PDE4B: variants seen among roughly 807,000 people sequenced by gnomAD.
The protein encoded by PDE4B is phosphodiesterase 4B.
In PDE4B, 20 loss-of-function variants were observed where a neutral mutation model predicts 82.2. That is an observed-to-expected ratio of 0.24 (90% CI 0.17 to 0.35). The LOEUF (loss-of-function observed/expected upper bound fraction) is 0.35, where lower values mean the gene tolerates loss of function less well. Ranked by LOEUF, PDE4B falls within the 10% of genes least tolerant of loss-of-function variation. PDE4B has a pLI of 1.00. For synonymous variants in PDE4B, 320 were observed against 318.9 expected, an observed-to-expected ratio of 1.00 and a Z score of -0.04; for missense variants, 655 against 907.2, an observed-to-expected ratio of 0.72 and a Z score of 3.57.
chr1:65,940,336 T>C (rs1460845479), intron 3 of PDE4B, among the ~76,000 whole-genome samples: 1 of 151,790 alleles, frequency 6.6e-6, no homozygotes, highest in East Asian at 1.9e-4. Context: ...AAGTTGAAAT[T>C]GTAGAGGGAG....
chr1:65,992,109 A>G (rs1280770561), intron 3 of PDE4B, among the ~76,000 whole-genome samples: 1 of 152,090 alleles, frequency 6.6e-6, no homozygotes, highest in African/African-American at 2.4e-5. Context: ...TTTTATATTG[A>G]TGCTGTTTTG....
chr1:66,194,278 T>C (rs564731532), intron 3 of PDE4B, among the ~76,000 whole-genome samples: 3 of 152,270 alleles, frequency 2.0e-5, no homozygotes, highest in East Asian at 1.9e-4. Context: ...ATCTTCTCAA[T>C]TGTGAGACCC....
intron 1 of PDE4B, among the ~76,000 whole-genome samples, chr1:65,858,788 AAGAC>A (rs963311389): frequency 6.6e-6 from 1 of 152,196 alleles, no homozygotes; most frequent in African/African-American, 2.4e-5. Context: ...GTTAAACAAA[AAGAC>A]AGAAAATTTA....
At chr1:66,368,270 G>T in intron 15 of PDE4B, 1 of 532,896 alleles carries the variant, frequency 1.9e-6, no homozygotes, top group Non-Finnish European at 3.3e-6. Flanking sequence ...CTCTATTTGT[G>T]GAACTGCTTA....
chr1:65,872,970 T>C (rs1312080303), intron 1 of PDE4B, among the ~76,000 whole-genome samples: 1 of 152,198 alleles, frequency 6.6e-6, no homozygotes, highest in Non-Finnish European at 1.5e-5. Flanking sequence ...CATCTTCATA[T>C]GCAAATAAAT....
chr1:65,887,192 T>TTC (rs1450765177), intron 1 of PDE4B, among the ~76,000 whole-genome samples: 2 of 12,458 alleles, frequency 1.6e-4, no homozygotes, highest in African/African-American at 3.8e-4. Flanking sequence ...CCCTTTTTCT[T>TTC]TCTTTCTTTC....
intron 3 of PDE4B, among the ~76,000 whole-genome samples, chr1:66,174,115 AT>A (rs1454852113): frequency 6.6e-6 from 1 of 151,980 alleles, no homozygotes; most frequent in South Asian, 2.1e-4. Context: ...TTACCTACAA[AT>A]TTTTTCCTGC....
chr1:65,922,390 T>C (rs904115663), intron 3 of PDE4B, among the ~76,000 whole-genome samples: 10 of 152,158 alleles, frequency 6.6e-5, no homozygotes, highest in Middle Eastern at 3.4e-3. Context: ...TTATTGGAGG[T>C]TTTAGGGGAA....
intron 3 of PDE4B, among the ~76,000 whole-genome samples, chr1:66,168,980 C>G (rs1239930762): frequency 2.0e-5 from 3 of 152,138 alleles, no homozygotes; most frequent in African/African-American, 7.2e-5. Context: ...GAACACAGAT[C>G]CAACTAAAAT....
intron 3 of PDE4B, among the ~76,000 whole-genome samples, chr1:66,126,095 T>A (rs1645817576): frequency 6.6e-6 from 1 of 152,202 alleles, no homozygotes; most frequent in Non-Finnish European, 1.5e-5. Flanking sequence ...CGTGAGCCAC[T>A]GCGCCCACCC....
chr1:66,330,489 G>T (rs1660028259), intron 7 of PDE4B, among the ~76,000 whole-genome samples: 1 of 152,162 alleles, frequency 6.6e-6, no homozygotes, highest in Non-Finnish European at 1.5e-5. Flanking sequence ...GTATCATCTT[G>T]CAGTCATTTT....
intron 1 of PDE4B, among the ~76,000 whole-genome samples, chr1:65,861,606 G>T (rs1646455348): frequency 6.6e-6 from 1 of 152,082 alleles, no homozygotes; most frequent in Non-Finnish European, 1.5e-5. Context: ...TAGCTTGATG[G>T]GAATAGGATT....
Position 66,257,631 on chromosome 1 carries a change from T to A in PDE4B, c.477-16T>A, listed in dbSNP as rs372416287. 1.2e-5 allele frequency: 20 copies of A among 1,611,600 alleles called. No homozygotes were observed. Among genetic ancestry groups the A allele is most frequent in the Non-Finnish European group, 1.6e-5 (19 of 1,177,900 alleles). ...CAAGTAAATTTCTAAAGGTTCTTTT[T>A]TTCTCTTTTCACCAGACACGGCGAT... On this transcript the variant is annotated splice_polypyrimidine_tract_variant and intron_variant, in intron 4 of 16. Coordinates refer to ENST00000341517, the MANE Select transcript of PDE4B (RefSeq NM_002600.4).
At chr1:66,205,689 C>T (rs1183261302) in intron 3 of PDE4B, among the ~76,000 whole-genome samples, 1 of 152,222 alleles carries the variant, frequency 6.6e-6, no homozygotes, top group African/African-American at 2.4e-5. Context: ...TCCATTTGAT[C>T]ATGCCAACAA....
At chr1:65,932,968 G>T (rs1256308865) in intron 3 of PDE4B, among the ~76,000 whole-genome samples, 1 of 151,988 alleles carries the variant, frequency 6.6e-6, no homozygotes, top group Non-Finnish European at 1.5e-5. Context: ...CCATCAAGTG[G>T]ACCAATGTGC....
intron 7 of PDE4B, among the ~76,000 whole-genome samples, chr1:66,288,337 C>G (rs911697819): frequency 7.9e-5 from 12 of 152,092 alleles, no homozygotes; most frequent in Non-Finnish European, 8.8e-5. Flanking sequence ...ATGATTCAGT[C>G]ACTTTCAACC....
At chr1:66,268,362 G>C (rs544200510) in intron 7 of PDE4B, among the ~76,000 whole-genome samples, 1 of 152,188 alleles carries the variant, frequency 6.6e-6, no homozygotes, top group South Asian at 2.1e-4. Context: ...TCAAAGGAAA[G>C]CTCTCCATTT....
Position 66,131,592 on chromosome 1 carries a change from GATATATATATATATATATATATAT to G in PDE4B, c.282-115845_282-115822del, listed in dbSNP as rs71058452. On this transcript the variant is annotated intron_variant, in intron 3 of 16. Coordinates refer to ENST00000341517, the MANE Select transcript of PDE4B (RefSeq NM_002600.4). Reference sequence around the variant, plus strand: ...TATTTTCAATATTTTCTGAATGCCAGATATATATATATATATATATATATATATATATATATATATATATATTAC... The same window carrying G: ...TATTTTCAATATTTTCTGAATGCCAGATATATATATATATATATATATTAC... Among the ~76,000 whole-genome samples the G allele has an allele frequency of 8.5e-3, 281 of 32,866 alleles. 19 individuals carry two copies. Among genetic ancestry groups the G allele is most frequent in the South Asian group, 0.019 (10 of 514 alleles). The allele number at this position is 32,866 out of a possible 152,430, so 21.6% of individuals were successfully genotyped here.
intron 1 of PDE4B, among the ~76,000 whole-genome samples, chr1:65,853,168 A>G (rs1290190321): frequency 6.6e-6 from 1 of 151,984 alleles, no homozygotes; most frequent in African/African-American, 2.4e-5. Context: ...CCTTGTTTCG[A>G]AGTCTACCTT....
Sources: gnomAD v4.1 joint callset for allele counts (sites outside exome capture counted in the v4.1 genomes callset) on GRCh38, gnomAD v4.1.1 for gene constraint, MANE v1.5 for transcripts, NCBI Gene and HGNC (gene_info 2026-07-23, HGNC 2026-07-21) for gene names.